The following DMRT1 variants were observed in gnomAD, a reference collection of about 807,000 sequenced individuals.
DMRT1 encodes the protein doublesex and mab-3 related transcription factor 1.
DMRT1 carries 7 observed loss-of-function variants against 32.3 expected under a neutral mutation model. That is an observed-to-expected ratio of 0.22 (90% CI 0.12 to 0.41). DMRT1 has a LOEUF of 0.41. DMRT1 is among the 10% of genes least tolerant of loss of function. DMRT1 has a pLI of 1.00. For synonymous variants in DMRT1, 278 were observed against 206.1 expected (o/e 1.35, Z -2.99); for missense variants, 625 against 500.5 (o/e 1.25, Z -2.37).
At chr9:935,525 G>A (rs573654792) in intron 4 of DMRT1, among the ~76,000 whole-genome samples, 1 of 152,334 alleles carries the variant, frequency 6.6e-6, no homozygotes, top group South Asian at 2.1e-4. Flanking sequence ...TTTCTGATGA[G>A]CGATAGATTG....
At chr9:948,160 A>G (rs970426902) in intron 4 of DMRT1, among the ~76,000 whole-genome samples, 7 of 152,174 alleles carry the variant, frequency 4.6e-5, no homozygotes, top group African/African-American at 1.7e-4. Context: ...TGCTTTGGGA[A>G]CACAGTGGGG....
intron 3 of DMRT1, chr9:894,804 T>G: frequency 6.3e-6 from 1 of 159,110 alleles, no homozygotes; most frequent in African/African-American, 2.5e-5. Flanking sequence ...TTTTTTTTTG[T>G]TTGTTTGTTT....
At chr9:853,359 A>T (rs1328734578) in intron 2 of DMRT1, among the ~76,000 whole-genome samples, 1 of 152,146 alleles carries the variant, frequency 6.6e-6, no homozygotes, top group Admixed American at 6.6e-5. Context: ...TATTCACAGC[A>T]TTGCCACTGT....
At chr9:918,772 G>C (rs987380913) in intron 4 of DMRT1, among the ~76,000 whole-genome samples, 2 of 152,232 alleles carry the variant, frequency 1.3e-5, no homozygotes, top group Admixed American at 6.5e-5. Context: ...TCGAGAAGGA[G>C]TGTACAAATA....
intron 3 of DMRT1, among the ~76,000 whole-genome samples, chr9:904,078 C>T (rs7856502): frequency 0.61 from 92,504 of 152,038 alleles, 31,537 homozygotes; most frequent in Non-Finnish European, 0.77. Flanking sequence ...TATTATTAGT[C>T]TTGCGAGGTT....
rs114153509 is a variant in DMRT1, at chr9:916,253, T to A, written c.823-510T>A. Among the ~76,000 whole-genome samples, 1,105 of 152,264 alleles carry A rather than the reference T, an allele frequency of 7.3e-3. 10 individuals are homozygous for A. The highest frequency in any genetic ancestry group is 0.025 in the African/African-American group (1,022 of 41,528). Reference sequence around the variant, plus strand: ...AAATGAACAGAAGGAATTTCAGGGGTGCTTTAGAGGGGACCTTAAGATAGA... The same window carrying A: ...AAATGAACAGAAGGAATTTCAGGGGAGCTTTAGAGGGGACCTTAAGATAGA... On this transcript the variant is annotated intron_variant, in intron 3 of 4. Transcript: ENST00000382276.
chr9:901,246 C>T (rs552017286), intron 3 of DMRT1, among the ~76,000 whole-genome samples: 5 of 152,280 alleles, frequency 3.3e-5, no homozygotes, highest in Non-Finnish European at 5.9e-5. Context: ...GACTCCTGGA[C>T]ATTCAAGTGA....
At chr9:928,203 T>C (rs1341095348) in intron 4 of DMRT1, among the ~76,000 whole-genome samples, 2 of 152,186 alleles carry the variant, frequency 1.3e-5, no homozygotes, top group Non-Finnish European at 2.9e-5. Flanking sequence ...AAAGTGCCGA[T>C]ATTAAAAATG....
intron 4 of DMRT1, among the ~76,000 whole-genome samples, chr9:935,971 C>T (rs1469281221): frequency 6.6e-6 from 1 of 152,132 alleles, no homozygotes; most frequent in African/African-American, 2.4e-5. Flanking sequence ...GTGAAATATC[C>T]CAAAGTCGTT....
chr9:907,123 C>G (rs1404316850), intron 3 of DMRT1, among the ~76,000 whole-genome samples: 1 of 152,204 alleles, frequency 6.6e-6, no homozygotes, highest in Admixed American at 6.5e-5. Context: ...CAAACACACA[C>G]CCCAGTCTTA....
At chr9:943,829 C>G (rs1220179918) in intron 4 of DMRT1, among the ~76,000 whole-genome samples, 1 of 152,160 alleles carries the variant, frequency 6.6e-6, no homozygotes. Flanking sequence ...TTATTTTTAT[C>G]TTTCTTAATC....
At chr9:944,107 AGGT>A (rs1819165131) in intron 4 of DMRT1, among the ~76,000 whole-genome samples, 1 of 152,176 alleles carries the variant, frequency 6.6e-6, no homozygotes, top group South Asian at 2.1e-4. Flanking sequence ...TGTAAGTTGG[AGGT>A]GATAGGATGC....
intron 3 of DMRT1, among the ~76,000 whole-genome samples, chr9:903,565 G>T (rs1013927518): frequency 3.9e-5 from 6 of 152,202 alleles, no homozygotes; most frequent in African/African-American, 1.4e-4. Context: ...AATTTTCCCA[G>T]TGGCTCTTTG....
intron 2 of DMRT1, among the ~76,000 whole-genome samples, chr9:883,855 A>G (rs1816827022): frequency 6.6e-6 from 1 of 152,076 alleles, no homozygotes. Flanking sequence ...CGCTCAACAC[A>G]AAGTATTAGT....
intron 2 of DMRT1, among the ~76,000 whole-genome samples, chr9:861,800 C>CTGGGCGGAGATGCTCCCCACTTCCCAGA (rs1815699327): frequency 2.4e-5 from 1 of 42,364 alleles, no homozygotes; most frequent in Admixed American, 2.2e-4. Context: ...GGGGCGGCTG[C>CTGGGCGGAGATGCTCCCCACTTCCCAGA]CGGGCGGGGG....
At chr9:863,059 C>T (rs893872453) in intron 2 of DMRT1, among the ~76,000 whole-genome samples, 1 of 150,430 alleles carries the variant, frequency 6.6e-6, no homozygotes, top group African/African-American at 2.4e-5. Flanking sequence ...TCATGCCTCT[C>T]ATCCCAGCAT....
chr9:959,590 A>G lies in DMRT1; in HGVS notation c.968-8395A>G, dbSNP rs576360684. On this transcript the variant is annotated intron_variant, in intron 4 of 4. Transcript: ENST00000382276. ...GTTGCCCAGGCTGGAGTGCAGTGGC[A>G]CTATCTTGGCTCACTGCCACTCTGC... Among the ~76,000 whole-genome samples, 131 of 152,228 alleles carry G rather than the reference A, an allele frequency of 8.6e-4. 1 individual carries two copies. Among genetic ancestry groups the G allele is most frequent in the African/African-American group, 3.0e-3 (126 of 41,566 alleles).
intron 4 of DMRT1, among the ~76,000 whole-genome samples, chr9:947,301 G>A (rs184929294): frequency 6.6e-6 from 1 of 152,290 alleles, no homozygotes; most frequent in African/African-American, 2.4e-5. Flanking sequence ...TAGTGTTAGT[G>A]CATTTTACAT....
intron 3 of DMRT1, among the ~76,000 whole-genome samples, chr9:901,237 A>G (rs1458203966): frequency 6.6e-6 from 1 of 151,320 alleles, no homozygotes; most frequent in Non-Finnish European, 1.5e-5. Context: ...CTGGTCTCAG[A>G]CTCCTGGACA....
Sources: gnomAD v4.1 joint callset for allele counts (sites outside exome capture counted in the v4.1 genomes callset) on GRCh38, gnomAD v4.1.1 for gene constraint, MANE v1.5 for transcripts, NCBI Gene and HGNC (gene_info 2026-07-23, HGNC 2026-07-21) for gene names.